Variants in KCNIP4 observed in about 807,000 individuals in gnomAD.
KCNIP4 encodes the protein Kv channel-interacting protein 4.
In KCNIP4, 12 loss-of-function variants were observed where a neutral mutation model predicts 34.0. The observed-to-expected ratio is 0.35, with a 90% CI of 0.23 to 0.57. The LOEUF is 0.57. KCNIP4 is among the 20% of genes least tolerant of loss of function. The pLI is 0.83. For synonymous variants in KCNIP4, 124 were observed against 102.2 expected, an observed-to-expected ratio of 1.21 and a Z score of -1.29; for missense variants, 238 against 311.7, an observed-to-expected ratio of 0.76 and a Z score of 1.78.
intron 1 of KCNIP4, among the ~76,000 whole-genome samples, chr4:21,207,924 C>A (rs1160123608): frequency 6.7e-6 from 1 of 148,682 alleles, no homozygotes; most frequent in Non-Finnish European, 1.5e-5. Context: ...CTCACTGCAA[C>A]CTCCACCTCT....
chr4:21,835,175 C>T (rs553201634), intron 1 of KCNIP4, among the ~76,000 whole-genome samples: 48 of 151,922 alleles, frequency 3.2e-4, no homozygotes, highest in Middle Eastern at 3.4e-3. Flanking sequence ...TTTAAAAACA[C>T]GACACAAAAT....
intron 1 of KCNIP4, among the ~76,000 whole-genome samples, chr4:21,462,350 G>A (rs772425028): frequency 3.9e-5 from 6 of 152,130 alleles, no homozygotes; most frequent in Non-Finnish European, 5.9e-5. Flanking sequence ...AGCAAGTCAC[G>A]TCTTACGTGG....
At chr4:21,460,918 G>T (rs1223676425) in intron 1 of KCNIP4, among the ~76,000 whole-genome samples, 1 of 152,114 alleles carries the variant, frequency 6.6e-6, no homozygotes, top group Non-Finnish European at 1.5e-5. Flanking sequence ...GACCAGTGCA[G>T]GTTCACAAAT....
rs1328201433 is a variant in KCNIP4 at position 20,853,349 on chromosome 4, C to T, written c.164-2682G>A. On this transcript the variant is annotated intron_variant, in intron 2 of 8. Transcript: ENST00000382152. ...GGAAATAAACCCAAATACTTACAGC[C>T]AACTGATCTTTGACAAAGCAAACAA... is the stretch of plus-strand genomic sequence containing the variant. Among the ~76,000 whole-genome samples, 4 of 152,118 alleles carry T rather than the reference C, an allele frequency of 2.6e-5. No homozygotes were observed. In the South Asian group the frequency reaches 6.2e-4, roughly 24 times the overall value.
intron 1 of KCNIP4, among the ~76,000 whole-genome samples, chr4:21,621,473 G>A (rs1051788351): frequency 9.9e-5 from 15 of 152,188 alleles, no homozygotes; most frequent in African/African-American, 2.6e-4. Flanking sequence ...GCGATGGATC[G>A]TCCTGCCTCA....
At chr4:21,567,064 A>T (rs970151580) in intron 1 of KCNIP4, among the ~76,000 whole-genome samples, 1 of 152,146 alleles carries the variant, frequency 6.6e-6, no homozygotes, top group Admixed American at 6.6e-5. Flanking sequence ...AAGTCAAATT[A>T]ATAAACTTCA....
intron 1 of KCNIP4, among the ~76,000 whole-genome samples, chr4:21,070,308 G>T (rs568152777): frequency 2.2e-4 from 34 of 152,214 alleles, no homozygotes; most frequent in African/African-American, 6.5e-4. Flanking sequence ...TGTGCAGATT[G>T]TTGTGTGTCT....
At chr4:21,583,019 G>T (rs1216971192) in intron 1 of KCNIP4, among the ~76,000 whole-genome samples, 3 of 151,788 alleles carry the variant, frequency 2.0e-5, no homozygotes, top group Non-Finnish European at 4.4e-5. Context: ...ATCCACAACT[G>T]CCCTAATTCT....
At chr4:21,772,474 G>T (rs1032649504) in intron 1 of KCNIP4, among the ~76,000 whole-genome samples, 1 of 152,094 alleles carries the variant, frequency 6.6e-6, no homozygotes, top group African/African-American at 2.4e-5. Flanking sequence ...CTGTTCAATT[G>T]TTTGGAATAG....
intron 1 of KCNIP4, among the ~76,000 whole-genome samples, chr4:21,865,117 A>C (rs1725338116): frequency 6.6e-6 from 1 of 152,154 alleles, no homozygotes; most frequent in South Asian, 2.1e-4. Context: ...GAAGAATTTA[A>C]GTCAAATTTT....
intron 5 of KCNIP4, among the ~76,000 whole-genome samples, chr4:20,744,871 G>A (rs1386208919): frequency 6.6e-6 from 1 of 152,086 alleles, no homozygotes; most frequent in African/African-American, 2.4e-5. Flanking sequence ...TTTCCATTTG[G>A]TGCTCCATGA....
Position 21,494,220 on chromosome 4 carries a change from T to C in KCNIP4, c.61+454351A>G, listed in dbSNP as rs1278703518. Among the ~76,000 whole-genome samples, 4 of 152,168 alleles carry C rather than the reference T, an allele frequency of 2.6e-5. No homozygotes were observed. In the East Asian group the frequency reaches 7.7e-4, roughly 29 times the overall value. ...AAGATTTATGAGAAGACAAATATTATAAAATCACATTTAATCAGCATGAGT... is the reference window on the plus strand; with the variant it reads ...AAGATTTATGAGAAGACAAATATTACAAAATCACATTTAATCAGCATGAGT... On this transcript the variant is annotated intron_variant, in intron 1 of 8. Coordinates refer to ENST00000382152, the MANE Select transcript of KCNIP4 (RefSeq NM_025221.6).
intron 1 of KCNIP4, among the ~76,000 whole-genome samples, chr4:21,644,306 T>A (rs1746849751): frequency 6.6e-6 from 1 of 152,092 alleles, no homozygotes; most frequent in African/African-American, 2.4e-5. Flanking sequence ...GAAATTCCAA[T>A]AAGGTAAGCT....
chr4:21,335,207 T>G (rs1716057838), intron 1 of KCNIP4, among the ~76,000 whole-genome samples: 1 of 152,034 alleles, frequency 6.6e-6, no homozygotes, highest in Non-Finnish European at 1.5e-5. Flanking sequence ...CTAAATCCCC[T>G]TGTGACTTTG....
At chr4:21,480,924 A>G (rs1208709674) in intron 1 of KCNIP4, among the ~76,000 whole-genome samples, 1 of 152,236 alleles carries the variant, frequency 6.6e-6, no homozygotes, top group African/African-American at 2.4e-5. Context: ...TGCACACAGC[A>G]TGGCCACTTA....
At chr4:21,746,412 TA>T (rs1716779504) in intron 1 of KCNIP4, among the ~76,000 whole-genome samples, 1 of 152,138 alleles carries the variant, frequency 6.6e-6, no homozygotes, top group South Asian at 2.1e-4. Context: ...TTCAAACTAG[TA>T]AGACTTGAAA....
intron 1 of KCNIP4, among the ~76,000 whole-genome samples, chr4:21,800,093 C>T (rs1447045456): frequency 6.6e-6 from 1 of 152,136 alleles, no homozygotes; most frequent in African/African-American, 2.4e-5. Flanking sequence ...TAGAAAAATC[C>T]TGAATATTCT....
chr4:21,702,979 C>G (rs1712975980), intron 1 of KCNIP4, among the ~76,000 whole-genome samples: 1 of 81,664 alleles, frequency 1.2e-5, no homozygotes, highest in Non-Finnish European at 2.3e-5. Flanking sequence ...ATCATATTAT[C>G]AGGCCCCCCA....
chr4:21,319,377 A>G (rs186342044), intron 1 of KCNIP4, among the ~76,000 whole-genome samples: 2 of 152,340 alleles, frequency 1.3e-5, no homozygotes, highest in East Asian at 3.9e-4. Context: ...CTGTGAACTT[A>G]TGCTGCAGTT....
Sources: allele counts gnomAD v4.1 joint callset (sites outside exome capture counted in the v4.1 genomes callset), GRCh38; gene constraint gnomAD v4.1.1; transcripts MANE v1.5; gene names NCBI Gene and HGNC (gene_info 2026-07-23, HGNC 2026-07-21).